NELL1: variants seen among roughly 807,000 people sequenced by gnomAD.
NELL1 encodes the protein protein kinase C-binding protein NELL1.
A neutral mutation model predicts 107.4 loss-of-function variants in NELL1; 76 were observed. The ratio of observed to expected loss-of-function variants is 0.71; its 90% CI spans 0.59 to 0.86. The LOEUF (loss-of-function observed/expected upper bound fraction) is 0.86, where lower values mean the gene tolerates loss of function less well. Among genes scored for constraint, NELL1 ranks in the 40% least tolerant of loss-of-function variants. NELL1 has a pLI of 0.00. For synonymous variants in NELL1, 353 were observed against 341.2 expected, an observed-to-expected ratio of 1.03 and a Z score of -0.38; for missense variants, 1,024 against 1,005.5, an observed-to-expected ratio of 1.02 and a Z score of -0.25.
intron 3 of NELL1, among the ~76,000 whole-genome samples, chr11:20,842,129 C>T (rs1446502674): frequency 6.6e-6 from 1 of 152,118 alleles, no homozygotes. Context: ...CTAATCCCAG[C>T]AGTTTGGGAG....
At chr11:21,063,440 T>G (rs1397906423) in intron 12 of NELL1, among the ~76,000 whole-genome samples, 2 of 152,172 alleles carry the variant, frequency 1.3e-5, no homozygotes, top group Non-Finnish European at 2.9e-5. Flanking sequence ...TCAAATTGCT[T>G]CAAAATCCCA....
intron 15 of NELL1, among the ~76,000 whole-genome samples, chr11:21,421,699 G>A (rs574350414): frequency 4.6e-5 from 7 of 152,070 alleles, no homozygotes; most frequent in South Asian, 4.2e-4. Context: ...ACAAGCAGAC[G>A]AGAGAGAAAA....
chr11:21,405,747 A>G (rs1288141120), intron 15 of NELL1, among the ~76,000 whole-genome samples: 1 of 152,002 alleles, frequency 6.6e-6, no homozygotes, highest in Admixed American at 6.6e-5. Flanking sequence ...CTGGTGAAAG[A>G]TGGACACATC....
At position 21,209,758 on chromosome 11, in the gene NELL1, C is replaced by T. The variant is rs78496930; in HGVS notation, c.1427-19574C>T. On this transcript the variant is annotated intron_variant, in intron 13 of 19. Coordinates refer to ENST00000357134, the MANE Select transcript of NELL1 (RefSeq NM_006157.5). The stretch of plus-strand genomic sequence containing the variant: ...AAGGTTTCTTTTAAGTCACCTAGTC[C>T]GATAGGAATATCCACAACTAGAATA... 9.5e-3 allele frequency among the ~76,000 whole-genome samples: 1,448 copies of T among 152,006 alleles called. 20 individuals carry two copies. Among genetic ancestry groups the T allele is most frequent in the African/African-American group, 0.033 (1,367 of 41,472 alleles).
At chr11:21,548,474 C>T (rs945951614) in intron 16 of NELL1, among the ~76,000 whole-genome samples, 1 of 151,868 alleles carries the variant, frequency 6.6e-6, no homozygotes, top group Non-Finnish European at 1.5e-5. Context: ...GCACATCTTA[C>T]TTCTCAATAG....
intron 15 of NELL1, among the ~76,000 whole-genome samples, chr11:21,466,567 T>G (rs1211633348): frequency 6.6e-6 from 1 of 152,148 alleles, no homozygotes; most frequent in East Asian, 1.9e-4. Context: ...AGCAATAGTT[T>G]TAAAACTTTT....
intron 13 of NELL1, among the ~76,000 whole-genome samples, chr11:21,164,774 C>T (rs997824185): frequency 6.6e-6 from 1 of 152,136 alleles, no homozygotes; most frequent in Admixed American, 6.5e-5. Flanking sequence ...TGATTTGTGC[C>T]TCATTTTAAA....
At chr11:21,365,762 A>G (rs527991647) in intron 14 of NELL1, among the ~76,000 whole-genome samples, 3 of 151,794 alleles carry the variant, frequency 2.0e-5, no homozygotes, top group Non-Finnish European at 4.4e-5. Flanking sequence ...TGGCCATGTT[A>G]CTGATTTTTA....
chr11:21,219,136 G>A lies in NELL1; in HGVS notation c.1427-10196G>A, dbSNP rs537612805. Among the ~76,000 whole-genome samples, 11 of 152,110 alleles carry A rather than the reference G, an allele frequency of 7.2e-5. No individual in the cohort carries two copies. The East Asian group carries it at 2.1e-3, about 29-fold the overall frequency. On this transcript the variant is annotated intron_variant, in intron 13 of 19. Transcript: ENST00000357134. ...TTCTCTTTTCTCTCCGTCCGCACTGGCATCTGTTAGTGCCTATCTTTTCGA... is the reference window on the plus strand; with the variant it reads ...TTCTCTTTTCTCTCCGTCCGCACTGACATCTGTTAGTGCCTATCTTTTCGA...
intron 13 of NELL1, among the ~76,000 whole-genome samples, chr11:21,153,541 T>C (rs1248922299): frequency 1.8e-4 from 27 of 152,104 alleles, no homozygotes; most frequent in Non-Finnish European, 1.5e-5. Context: ...GTGATGGAGC[T>C]CATCATCAAG....
At chr11:20,703,797 C>T (rs968124944) in intron 2 of NELL1, among the ~76,000 whole-genome samples, 5 of 152,134 alleles carry the variant, frequency 3.3e-5, no homozygotes, top group African/African-American at 1.2e-4. Flanking sequence ...GTTCAGTTTC[C>T]ATGTAGTTGA....
chr11:20,914,696 T>A (rs140728432), intron 5 of NELL1, among the ~76,000 whole-genome samples: 1 of 152,172 alleles, frequency 6.6e-6, no homozygotes, highest in African/African-American at 2.4e-5. Flanking sequence ...GTTGGGGGCT[T>A]AGAACTTTAT....
chr11:21,469,538 A>G (rs1854121571), intron 15 of NELL1, among the ~76,000 whole-genome samples: 1 of 152,080 alleles, frequency 6.6e-6, no homozygotes, highest in South Asian at 2.1e-4. Flanking sequence ...AGCTCTTTGC[A>G]GTTTTGGACA....
chr11:21,386,159 C>T (rs1851740219), intron 15 of NELL1, among the ~76,000 whole-genome samples: 1 of 151,576 alleles, frequency 6.6e-6, no homozygotes, highest in Non-Finnish European at 1.5e-5. Context: ...TTTAACTTCC[C>T]TTTCTAATCA....
chr11:21,102,095 C>T (rs961606085), intron 12 of NELL1, among the ~76,000 whole-genome samples: 7 of 152,188 alleles, frequency 4.6e-5, no homozygotes, highest in Non-Finnish European at 1.0e-4. Flanking sequence ...TCTGGTGATC[C>T]ACCCACCTCA....
chr11:20,946,125 A>T (rs1850957264), intron 10 of NELL1, among the ~76,000 whole-genome samples: 1 of 152,206 alleles, frequency 6.6e-6, no homozygotes, highest in African/African-American at 2.4e-5. Flanking sequence ...TATTCCTGAT[A>T]TAGTGGGAGT....
chr11:20,932,504 C>T (rs969118718), intron 9 of NELL1, among the ~76,000 whole-genome samples: 3 of 152,140 alleles, frequency 2.0e-5, no homozygotes, highest in African/African-American at 7.2e-5. Flanking sequence ...TTCAGTAATC[C>T]CTACCGAGGT....
intron 3 of NELL1, among the ~76,000 whole-genome samples, chr11:20,791,685 T>C (rs1317497922): frequency 2.6e-5 from 4 of 151,784 alleles, no homozygotes; most frequent in Non-Finnish European, 5.9e-5. Flanking sequence ...CCTTGAAGTA[T>C]GTCAGCTGTG....
chr11:21,161,000 TACACACAC>T (rs72029062), intron 13 of NELL1, among the ~76,000 whole-genome samples: 2,211 of 143,226 alleles, frequency 0.015, 51 homozygotes, highest in African/African-American at 0.045. Context: ...CTAGCCTTTA[TACACACAC>T]ACACACACAC....
Sources: gnomAD v4.1 joint callset for allele counts (sites outside exome capture counted in the v4.1 genomes callset) on GRCh38, gnomAD v4.1.1 for gene constraint, MANE v1.5 for transcripts, NCBI Gene and HGNC (gene_info 2026-07-23, HGNC 2026-07-21) for gene names.